BABAM2: variants seen among roughly 807,000 people sequenced by gnomAD.
The protein encoded by BABAM2 is BRISC and BRCA1-A complex member 2.
BABAM2 carries 31 observed loss-of-function variants against 54.7 expected under a neutral mutation model. The ratio of observed to expected loss-of-function variants is 0.57; its 90% CI spans 0.43 to 0.77. BABAM2 has a LOEUF of 0.77. Ranked by LOEUF, BABAM2 falls within the 30% of genes least tolerant of loss-of-function variation. BABAM2 has a pLI of 0.00. For synonymous variants in BABAM2, 167 were observed against 162.9 expected (o/e 1.03, Z -0.19); for missense variants, 364 against 455.8 (o/e 0.80, Z 1.83).
At chr2:28,018,974 A>G (rs1675050920) in intron 4 of BABAM2, among the ~76,000 whole-genome samples, 1 of 151,994 alleles carries the variant, frequency 6.6e-6, no homozygotes, top group Admixed American at 6.6e-5. Context: ...TGCATTACAT[A>G]TTTGTCCTAA....
chr2:28,256,356 T>A (rs866220053), intron 10 of BABAM2, among the ~76,000 whole-genome samples: 4 of 152,224 alleles, frequency 2.6e-5, no homozygotes, highest in African/African-American at 9.6e-5. Flanking sequence ...CTAAAGCCAC[T>A]GCAGATTGTT....
chr2:28,018,721 T>C (rs1007052347), intron 4 of BABAM2, among the ~76,000 whole-genome samples: 4 of 152,208 alleles, frequency 2.6e-5, no homozygotes, highest in Admixed American at 6.5e-5. Context: ...TGGTATTGTG[T>C]TACGGTTTTG....
chr2:28,110,230 A>T (rs146777157), intron 6 of BABAM2, among the ~76,000 whole-genome samples: 100 of 152,292 alleles, frequency 6.6e-4, no homozygotes, highest in African/African-American at 2.3e-3. Context: ...ATAATATTCC[A>T]TATATGTGTA....
At chr2:28,125,238 G>A (rs77260562) in intron 6 of BABAM2, among the ~76,000 whole-genome samples, 1,971 of 152,034 alleles carry the variant, frequency 0.013, 43 homozygotes, top group African/African-American at 0.045. Context: ...AAACTCACAG[G>A]TCCAAATGTG....
intron 7 of BABAM2, among the ~76,000 whole-genome samples, chr2:28,146,263 G>A (rs940872001): frequency 7.9e-5 from 12 of 152,006 alleles, no homozygotes; most frequent in African/African-American, 2.9e-4. Flanking sequence ...GATATTCTTT[G>A]AAGTCAGCAG....
chr2:28,278,302 G>C (rs1055539607), intron 10 of BABAM2, among the ~76,000 whole-genome samples: 1 of 152,108 alleles, frequency 6.6e-6, no homozygotes, highest in Non-Finnish European at 1.5e-5. Context: ...AAGAAGCTGG[G>C]GTTTGATAAA....
chr2:28,085,133 A>C (rs777340769), intron 6 of BABAM2, among the ~76,000 whole-genome samples: 63 of 152,214 alleles, frequency 4.1e-4, no homozygotes, highest in Non-Finnish European at 7.9e-4. Context: ...TGCCATTTTT[A>C]GTTAGACATG....
rs75725775 is a variant in BABAM2 at position 27,891,987 on chromosome 2, G to A, written c.-25+1145G>A. ...GCAATAGTCCAGTTTGTTTTTAGTG[G>A]TAAAGCAATCATTTGTTTAAATTTT... On this transcript the variant is annotated intron_variant, in intron 1 of 11. Transcript: ENST00000379624. Among the ~76,000 whole-genome samples the A allele has an allele frequency of 6.1e-3, 926 of 152,148 alleles. 13 individuals carry two copies. The highest frequency in any genetic ancestry group is 0.021 in the African/African-American group (881 of 41,490).
At chr2:28,223,484 C>A (rs1048914275) in intron 7 of BABAM2, among the ~76,000 whole-genome samples, 2 of 152,232 alleles carry the variant, frequency 1.3e-5, no homozygotes, top group African/African-American at 4.8e-5. Context: ...CAAGCACCTG[C>A]CTACAGCCCC....
At chr2:28,086,110 C>T (rs1025328965) in intron 6 of BABAM2, among the ~76,000 whole-genome samples, 12 of 151,992 alleles carry the variant, frequency 7.9e-5, no homozygotes, top group South Asian at 4.1e-4. Context: ...TGAACTTGTC[C>T]GTCTGTAATT....
rs56135926 is a variant in BABAM2 at position 28,335,154 on chromosome 2, C to CTTTTTTTTTTT, written c.1089-3279_1089-3269dup. Among the ~76,000 whole-genome samples the CTTTTTTTTTTT allele has an allele frequency of 4.5e-3, 323 of 71,516 alleles. 19 individuals carry two copies. Among genetic ancestry groups the CTTTTTTTTTTT allele is most frequent in the African/African-American group, 0.011 (174 of 16,464 alleles). The allele number at this position is 71,516 out of a possible 152,430, so 46.9% of individuals were successfully genotyped here. A position where few individuals can be genotyped will look rare whatever the true frequency, so the allele number is the denominator to read the frequency against. ...CTGGAGCTGCTGTCTCTCCCACCTT[C>CTTTTTTTTTTT]TTTTTTTTTTTTTTTTTTTTTTTTT... On this transcript the variant is annotated intron_variant, in intron 11 of 11. Transcript: ENST00000379624.
chr2:28,156,745 T>C (rs1672576154), intron 7 of BABAM2, among the ~76,000 whole-genome samples: 1 of 152,190 alleles, frequency 6.6e-6, no homozygotes, highest in African/African-American at 2.4e-5. Flanking sequence ...TTAAGGCTTA[T>C]TTGGAATTCT....
chr2:27,966,764 A>G (rs1213279341), intron 3 of BABAM2, among the ~76,000 whole-genome samples: 1 of 152,190 alleles, frequency 6.6e-6, no homozygotes, highest in Non-Finnish European at 1.5e-5. Context: ...TTGTTTGATT[A>G]ATTTGGTACA....
intron 11 of BABAM2, among the ~76,000 whole-genome samples, chr2:28,316,056 A>C (rs1689526437): frequency 6.6e-6 from 1 of 152,208 alleles, no homozygotes; most frequent in Non-Finnish European, 1.5e-5. Context: ...TTAAAAATGC[A>C]ACATGTCCAG....
rs147243937 is a variant in BABAM2 at position 28,143,199 on chromosome 2, G to A, written c.680+13819G>A. ...AGTATTCAGCCTTCATAAAGGCAAC[G>A]TGGATGAACCTGGAAGACATTATGC... On this transcript the variant is annotated intron_variant, in intron 7 of 11. Transcript: ENST00000379624. Among the ~76,000 whole-genome samples, 17 of 152,060 alleles carry A rather than the reference G, an allele frequency of 1.1e-4. No homozygotes were observed. The East Asian group carries it at 3.1e-3, about 28-fold the overall frequency.
intron 7 of BABAM2, among the ~76,000 whole-genome samples, chr2:28,166,642 C>T (rs1302233328): frequency 1.3e-5 from 2 of 152,174 alleles, no homozygotes; most frequent in Admixed American, 6.5e-5. Flanking sequence ...CTTCTTTGCA[C>T]TGGCGTGACT....
intron 6 of BABAM2, among the ~76,000 whole-genome samples, chr2:28,076,623 G>A (rs1664708702): frequency 6.6e-6 from 1 of 151,918 alleles, no homozygotes. Context: ...AGCCTCCCGA[G>A]TAGCTGGGCC....
intron 4 of BABAM2, 109 bp downstream of exon 4, chr2:27,988,196 C>T: frequency 1.0e-6 from 1 of 982,726 alleles, no homozygotes; most frequent in Non-Finnish European, 1.6e-6. Context: ...GCATTTTTTT[C>T]CCACCCCTCT....
chr2:28,116,173 G>A (rs1207809100), intron 6 of BABAM2, among the ~76,000 whole-genome samples: 1 of 152,042 alleles, frequency 6.6e-6, no homozygotes, highest in Non-Finnish European at 1.5e-5. Flanking sequence ...TCAGGCTAAT[G>A]TAGATGGAGG....
Sources: gnomAD v4.1 joint callset for allele counts (sites outside exome capture counted in the v4.1 genomes callset) on GRCh38, gnomAD v4.1.1 for gene constraint, MANE v1.5 for transcripts, NCBI Gene and HGNC (gene_info 2026-07-23, HGNC 2026-07-21) for gene names.